Variants in ADAMTS12 observed in about 807,000 individuals in gnomAD.
The protein encoded by ADAMTS12 is A disintegrin and metalloproteinase with thrombospondin motifs 12.
In ADAMTS12, 118 loss-of-function variants were observed where a neutral mutation model predicts 167.8. The observed-to-expected ratio is 0.70, with a 90% confidence interval of 0.61 to 0.82. The LOEUF is 0.82. ADAMTS12 is among the 40% of genes least tolerant of loss of function. ADAMTS12 has a pLI of 0.00. For synonymous variants in ADAMTS12, 704 were observed against 716.9 expected (o/e 0.98, Z 0.29); for missense variants, 1,916 against 1,998.8 (o/e 0.96, Z 0.79).
chr5:33,643,467 C>A lies in ADAMTS12; in HGVS notation c.1483G>T (p.Val495Phe), dbSNP rs368041272. The A allele has an allele frequency of 4.3e-6, 7 of 1,613,880 alleles. No individual in the cohort carries two copies. The highest frequency in any genetic ancestry group is 1.3e-5 in the African/African-American group (1 of 74,928). ...NATFCQEVEN[V>F]CQTLWCSVKG... is the part of the protein sequence containing the mutation. The stretch of plus-strand genomic sequence containing the variant: ...ACGGAGCACCACAGTGTCTGGCAGA[C>A]GTTCTAGAAAACAAATTGCACTTCT... The change falls in exon 10 of 24, where the codon GTC (valine) becomes TTC (phenylalanine). Residue 495 changes from valine (V) to phenylalanine (F), a missense_variant. Val to Phe is a conservative substitution (Grantham distance 50). Transcript: ENST00000504830.
chr5:33,570,874 T>C (rs1177323413), intron 19 of ADAMTS12, among the ~76,000 whole-genome samples: 2 of 150,834 alleles, frequency 1.3e-5, no homozygotes, highest in African/African-American at 4.9e-5. Flanking sequence ...GAGACACACA[T>C]AGGCTCAAAA....
At chr5:33,785,680 C>T (rs1157605367) in intron 2 of ADAMTS12, among the ~76,000 whole-genome samples, 1 of 152,170 alleles carries the variant, frequency 6.6e-6, no homozygotes, top group Non-Finnish European at 1.5e-5. Context: ...TGTTGGCTAA[C>T]ATATGGAAAA....
In ADAMTS12 at chr5:33,869,640, G is replaced by C. The variant is rs374344766; in HGVS notation, c.489+11479C>G. On this transcript the variant is annotated intron_variant, in intron 2 of 23. Coordinates refer to ENST00000504830, the MANE Select transcript of ADAMTS12 (RefSeq NM_030955.4). ...TCAAAGGGGAGGGAGTGTACGAATA[G>C]GGTGTGGGTCACAGAGATCACATGC... 5.3e-5 allele frequency among the ~76,000 whole-genome samples: 8 copies of C among 152,274 alleles called. No homozygotes were observed. The East Asian group carries it at 1.2e-3, about 22-fold the overall frequency.
At chr5:33,726,231 A>G (rs7718949) in intron 3 of ADAMTS12, among the ~76,000 whole-genome samples, 131,155 of 152,164 alleles carry the variant, frequency 0.86, 56,723 homozygotes, top group Non-Finnish European at 0.89. Flanking sequence ...CAGGGGACTA[A>G]TCATGCCACT....
At chr5:33,592,971 T>G (rs1345707692) in intron 17 of ADAMTS12, among the ~76,000 whole-genome samples, 5 of 152,162 alleles carry the variant, frequency 3.3e-5, no homozygotes, top group African/African-American at 1.2e-4. Flanking sequence ...AGTTTATTAT[T>G]TATTTATTTT....
intron 2 of ADAMTS12, among the ~76,000 whole-genome samples, chr5:33,814,902 G>A (rs1467082587): frequency 7.4e-6 from 1 of 134,646 alleles, no homozygotes; most frequent in Admixed American, 7.4e-5. Context: ...GAGTGATGGA[G>A]ACAAATTCTC....
chr5:33,585,475 C>T (rs1048509891), intron 18 of ADAMTS12, among the ~76,000 whole-genome samples: 4 of 152,242 alleles, frequency 2.6e-5, no homozygotes, highest in Non-Finnish European at 5.9e-5. Context: ...CAAACACACA[C>T]ATCCTGGCTT....
At chr5:33,645,299 AC>A (rs1303357188) in intron 9 of ADAMTS12, among the ~76,000 whole-genome samples, 1 of 151,776 alleles carries the variant, frequency 6.6e-6, no homozygotes, top group Non-Finnish European at 1.5e-5. Flanking sequence ...ATTTCCACAC[AC>A]CCCCCACTTC....
rs1197294059 is a variant in ADAMTS12, at chr5:33,577,136, C to T, written c.2890G>A (p.Val964Met). ...SECSVSCGGG[V>M]RIRSVTCAKN... is the part of the protein sequence containing the mutation. Reference sequence around the variant, plus strand: ...GCACATGTGACACTGCGAATCCGCACTCCACCACCACAGGAAACAGAACAC... The same window carrying T: ...GCACATGTGACACTGCGAATCCGCATTCCACCACCACAGGAAACAGAACAC... The change falls in exon 19 of 24, where the codon GTG becomes ATG. Residue 964 changes from valine to methionine, a missense_variant. By Grantham distance (21) the Val-to-Met change is conservative. Coordinates refer to ENST00000504830, the MANE Select transcript of ADAMTS12 (RefSeq NM_030955.4). 1 of 1,614,168 alleles carries T rather than the reference C, an allele frequency of 6.2e-7. No homozygotes were observed.
intron 3 of ADAMTS12, among the ~76,000 whole-genome samples, chr5:33,735,808 C>T (rs1024112968): frequency 2.0e-5 from 3 of 152,186 alleles, no homozygotes; most frequent in Admixed American, 2.0e-4. Context: ...GAAACCTCTT[C>T]TATTGCTGGC....
At chr5:33,734,024 C>T (rs1372369498) in intron 3 of ADAMTS12, among the ~76,000 whole-genome samples, 1 of 151,254 alleles carries the variant, frequency 6.6e-6, no homozygotes, top group Non-Finnish European at 1.5e-5. Context: ...CACACACACA[C>T]ACACACACAC....
intron 3 of ADAMTS12, among the ~76,000 whole-genome samples, chr5:33,710,403 G>A (rs1460895042): frequency 6.6e-6 from 1 of 152,112 alleles, no homozygotes; most frequent in Non-Finnish European, 1.5e-5. Context: ...AAGGTTGTAG[G>A]CTGGAACTAA....
intron 2 of ADAMTS12, among the ~76,000 whole-genome samples, chr5:33,871,953 AC>A (rs1750051010): frequency 2.0e-5 from 3 of 152,196 alleles, no homozygotes; most frequent in Admixed American, 1.3e-4. Context: ...ATATTTGGTA[AC>A]CTAGATGAAA....
chr5:33,646,770 A>G (rs554354818), intron 9 of ADAMTS12, among the ~76,000 whole-genome samples: 16 of 152,226 alleles, frequency 1.1e-4, no homozygotes, highest in Non-Finnish European at 1.9e-4. Context: ...ACAGATGCAC[A>G]TAGACTCTGA....
At chr5:33,573,681 C>G (rs1746511965) in intron 19 of ADAMTS12, among the ~76,000 whole-genome samples, 1 of 152,134 alleles carries the variant, frequency 6.6e-6, no homozygotes, top group Non-Finnish European at 1.5e-5. Flanking sequence ...AGGACATAGG[C>G]ATGGGCAAGG....
intron 2 of ADAMTS12, among the ~76,000 whole-genome samples, chr5:33,765,249 T>C (rs1414036777): frequency 6.6e-6 from 1 of 152,202 alleles, no homozygotes; most frequent in Non-Finnish European, 1.5e-5. Context: ...TAGCCCTAAA[T>C]ACTTCATCAG....
At chr5:33,631,037 CCTT>C in intron 12 of ADAMTS12, 124 bp from the exon 13 acceptor site, 1 of 1,078,134 alleles carries the variant, frequency 9.3e-7, no homozygotes, top group Non-Finnish European at 1.3e-6. Flanking sequence ...CTTTTCACCT[CCTT>C]GAGACACATG....
intron 3 of ADAMTS12, among the ~76,000 whole-genome samples, chr5:33,720,594 G>T (rs890526760): frequency 4.6e-5 from 7 of 152,130 alleles, no homozygotes; most frequent in Admixed American, 3.9e-4. Context: ...AACAGTATTG[G>T]TTCTACTTTG....
intron 17 of ADAMTS12, among the ~76,000 whole-genome samples, chr5:33,590,486 C>T (rs1203774451): frequency 6.6e-6 from 1 of 152,154 alleles, no homozygotes; most frequent in African/African-American, 2.4e-5. Context: ...TACTCCCTCT[C>T]ACTCTTCTGT....
Sources: gnomAD v4.1 joint callset for allele counts (sites outside exome capture counted in the v4.1 genomes callset) on GRCh38, gnomAD v4.1.1 for gene constraint, MANE v1.5 for transcripts, NCBI Gene and HGNC (gene_info 2026-07-23, HGNC 2026-07-21) for gene names.